Variants in TGFBRAP1 observed in about 807,000 individuals in gnomAD.
TGFBRAP1 encodes the protein transforming growth factor-beta receptor-associated protein 1.
A neutral mutation model predicts 83.2 loss-of-function variants in TGFBRAP1; 20 were observed. That is an observed-to-expected ratio of 0.24 (90% CI 0.17 to 0.35). The LOEUF is 0.35. Among genes scored for constraint, TGFBRAP1 ranks in the 10% least tolerant of loss-of-function variants. The probability of loss-of-function intolerance (pLI) is 1.00; values close to 1 mark genes in which losing one functional copy is unlikely to be tolerated. For synonymous variants in TGFBRAP1, 415 were observed against 459.8 expected, an observed-to-expected ratio of 0.90 and a Z score of 1.25; for missense variants, 950 against 1,099.4, an observed-to-expected ratio of 0.86 and a Z score of 1.92.
intron 11 of TGFBRAP1, among the ~76,000 whole-genome samples, chr2:105,268,655 G>A (rs1442983162): frequency 6.6e-6 from 1 of 152,196 alleles, no homozygotes; most frequent in Non-Finnish European, 1.5e-5. Flanking sequence ...TCCAGGACAG[G>A]GAGCGTCAGC....
chr2:105,269,758 C>T lies in TGFBRAP1; in HGVS notation c.1973-53G>A, dbSNP rs1046215415. 6 of 1,443,034 alleles carry T rather than the reference C, an allele frequency of 4.2e-6. No homozygotes were observed. In the African/African-American group the frequency reaches 5.7e-5, roughly 14 times the overall value. The allele number at this position is 1,443,034 out of a possible 1,614,324, so 89.4% of individuals were successfully genotyped here. The stretch of plus-strand genomic sequence containing the variant: ...AGAAAGGGGCTCGCCGGCCACCCGC[C>T]CAGCGACTGGCCTCCTTGCTGCTCT... On this transcript the variant is annotated intron_variant, in intron 10 of 11. Coordinates refer to ENST00000393359, the MANE Select transcript of TGFBRAP1 (RefSeq NM_004257.6). The surrounding 1 kb of genome is among the most constrained non-coding windows in gnomAD (Gnocchi z 4.1).
chr2:105,277,762 A>G, intron 6 of TGFBRAP1, 91 bp from the exon 7 acceptor site: 2 of 1,218,602 alleles, frequency 1.6e-6, no homozygotes, highest in Non-Finnish European at 2.4e-6. Context: ...CAAGCTCCCC[A>G]TATTCTATTC....
the TGFBRAP1 span, among the ~76,000 whole-genome samples, chr2:105,250,243 C>T: frequency 7.8e-4 from 118 of 152,222 alleles, no homozygotes; most frequent in South Asian, 3.7e-3. Context: ...TCCACCAATC[C>T]GAGGGCACTG....
At chr2:105,287,402 CA>C (rs767507052) in intron 4 of TGFBRAP1, among the ~76,000 whole-genome samples, 2 of 152,122 alleles carry the variant, frequency 1.3e-5, no homozygotes, top group Non-Finnish European at 2.9e-5. Flanking sequence ...ATAACTTCTC[CA>C]GGTAGATTTT....
chr2:105,277,500 G>T (rs1000977950), intron 7 of TGFBRAP1, 114 bp downstream of exon 7: 18 of 883,636 alleles, frequency 2.0e-5, no homozygotes, highest in Non-Finnish European at 3.4e-5. Flanking sequence ...GTATAAAAGG[G>T]TGTAGATCAG....
intron 1 of TGFBRAP1, among the ~76,000 whole-genome samples, chr2:105,326,195 CATAT>C (rs1243717529): frequency 1.3e-5 from 2 of 151,766 alleles, no homozygotes; most frequent in Non-Finnish European, 1.5e-5. Context: ...TATACACACA[CATAT>C]ATACACATAC....
In TGFBRAP1 at chr2:105,296,278, C is replaced by T. The variant is rs1678085658; in HGVS notation, c.1038+78G>A. 24 of 1,556,422 alleles carry T rather than the reference C, an allele frequency of 1.5e-5. No individual in the cohort carries two copies. The South Asian group carries it at 1.7e-4, about 11-fold the overall frequency. On this transcript the variant is annotated intron_variant, in intron 4 of 11. Coordinates refer to ENST00000393359, the MANE Select transcript of TGFBRAP1 (RefSeq NM_004257.6). Reference sequence around the variant, plus strand: ...GTACAGCCCGGTACACAGGAAGGGCCGATGCATGTTAGTTAAATCTGAATG... The same window carrying T: ...GTACAGCCCGGTACACAGGAAGGGCTGATGCATGTTAGTTAAATCTGAATG...
rs952931891 is a variant in TGFBRAP1, at chr2:105,265,780, T to C, written c.*1603A>G. 3.9e-5 allele frequency: 6 copies of C among 152,272 alleles called. No homozygotes were observed. Among genetic ancestry groups the C allele is most frequent in the African/African-American group, 1.2e-4 (5 of 41,452 alleles). The allele number at this position is 152,272 out of a possible 1,614,324, so 9.4% of individuals were successfully genotyped here. On this transcript the variant is annotated 3_prime_UTR_variant, in exon 12 of 12. Coordinates refer to ENST00000393359, the MANE Select transcript of TGFBRAP1 (RefSeq NM_004257.6). Reference sequence around the variant, plus strand: ...TTGAAACATAGTCAGGAAAAAATGGTGCCAATTCCCCCCAAACAACACATG... The same window carrying C: ...TTGAAACATAGTCAGGAAAAAATGGCGCCAATTCCCCCCAAACAACACATG...
chr2:105,305,043 G>A (rs1316852461), intron 2 of TGFBRAP1, among the ~76,000 whole-genome samples: 4 of 152,118 alleles, frequency 2.6e-5, no homozygotes, highest in Non-Finnish European at 4.4e-5. Flanking sequence ...CACATTTGTC[G>A]AGCATGGCCC....
chr2:105,263,723 T>C (rs1186002867), downstream of TGFBRAP1, among the ~76,000 whole-genome samples: 1 of 152,008 alleles, frequency 6.6e-6, no homozygotes, highest in Non-Finnish European at 1.5e-5. Context: ...ATTAAAAATA[T>C]ATATTTTTTA....
At chr2:105,253,238 T>C in the TGFBRAP1 span, among the ~76,000 whole-genome samples, 1 of 152,164 alleles carries the variant, frequency 6.6e-6, no homozygotes, top group Admixed American at 6.5e-5. Flanking sequence ...GTTCAAGTGA[T>C]TCTCCTGCCT....
chr2:105,322,176 TAAAGAAAAAAAAAG>T (rs1358931968), intron 1 of TGFBRAP1, among the ~76,000 whole-genome samples: 1 of 151,548 alleles, frequency 6.6e-6, no homozygotes, highest in Non-Finnish European at 1.5e-5. Context: ...CCAAAAAGTT[TAAAGAAAAAAAAAG>T]AAAGAAAAAA....
the TGFBRAP1 span, among the ~76,000 whole-genome samples, chr2:105,257,597 T>G: frequency 6.6e-6 from 1 of 152,218 alleles, no homozygotes; most frequent in South Asian, 2.1e-4. Flanking sequence ...AGAATTTTCT[T>G]CCTTTTTCAC....
Position 105,269,662 on chromosome 2 carries a change from C to A in TGFBRAP1, c.2016G>T (p.Leu672=). Residue 672 remains leucine (L), a synonymous_variant, in exon 11 of 12, where the codon CTG becomes CTT. Coordinates refer to ENST00000393359, the MANE Select transcript of TGFBRAP1 (RefSeq NM_004257.6). The surrounding 1 kb of genome is among the most constrained non-coding windows in gnomAD (Gnocchi z 4.1). ...TCTCATGCTCGCCCAGCTTCCCGTG[C>A]AGGATGGCGCTCTCCATGGGCAGGC... ...GAGLPMESAI[L]HGKLGEHEKA... is the part of the protein sequence containing the mutation. The A allele has an allele frequency of 6.3e-7, 1 of 1,576,416 alleles. No individual in the cohort carries two copies. The highest frequency in any genetic ancestry group is 8.6e-7 in the Non-Finnish European group (1 of 1,157,560).
chr2:105,284,722 G>A (rs3792045), intron 4 of TGFBRAP1, among the ~76,000 whole-genome samples: 26,445 of 151,990 alleles, frequency 0.17, 2,815 homozygotes, highest in East Asian at 0.51. Context: ...GGAACCGCCT[G>A]GCCTTCTTCC....
chr2:105,305,196 AT>A (rs1377731825), intron 2 of TGFBRAP1, among the ~76,000 whole-genome samples: 1 of 152,238 alleles, frequency 6.6e-6, no homozygotes, highest in African/African-American at 2.4e-5. Context: ...CTCTAAAAAA[AT>A]AAAGTCTATT....
At chr2:105,264,225 A>C (rs1298954586), downstream of TGFBRAP1, among the ~76,000 whole-genome samples, 1 of 152,194 alleles carries the variant, frequency 6.6e-6, no homozygotes, top group Non-Finnish European at 1.5e-5. Flanking sequence ...GATGGCAACC[A>C]ATGTCAAGGA....
intron 5 of TGFBRAP1, among the ~76,000 whole-genome samples, chr2:105,281,222 C>T (rs1318935319): frequency 1.3e-5 from 2 of 152,232 alleles, no homozygotes; most frequent in Non-Finnish European, 2.9e-5. Context: ...ACAGAAGACA[C>T]AGAAATATTC....
At chr2:105,328,940 T>C (rs1679294348) in intron 1 of TGFBRAP1, among the ~76,000 whole-genome samples, 1 of 152,134 alleles carries the variant, frequency 6.6e-6, no homozygotes, top group Admixed American at 6.5e-5. Flanking sequence ...GCAGGCGGAC[T>C]AACTTGCACC....
Sources: gnomAD v4.1 joint callset for allele counts (sites outside exome capture counted in the v4.1 genomes callset) on GRCh38, gnomAD v4.1.1 for gene constraint, Gnocchi (gnomAD v3.1) non-coding constraint, MANE v1.5 for transcripts, NCBI Gene and HGNC (gene_info 2026-07-23, HGNC 2026-07-21) for gene names.